The following VEGFC variants were observed in gnomAD, a reference collection of about 807,000 sequenced individuals.
The protein encoded by VEGFC is FLT4 ligand DHM.
A neutral mutation model predicts 46.1 loss-of-function variants in VEGFC; 12 were observed. The ratio of observed to expected loss-of-function variants is 0.26; its 90% CI spans 0.17 to 0.42. The LOEUF is 0.42. Among genes scored for constraint, VEGFC ranks in the 10% least tolerant of loss-of-function variants. The pLI is 1.00. For missense variants in VEGFC, 488 were observed against 529.4 expected (o/e 0.92, Z 0.77); for synonymous variants, 232 against 195.5 (o/e 1.19, Z -1.56).
chr4:176,683,818 G>C lies in VEGFC; in HGVS notation c.*108C>G. 1 of 858,704 alleles carries C rather than the reference G, an allele frequency of 1.2e-6. No individual in the cohort carries two copies. Among genetic ancestry groups the C allele is most frequent in the Non-Finnish European group, 1.9e-6 (1 of 530,842 alleles). 53.2% of individuals were successfully genotyped at this position (858,704 alleles called of 1,614,324 possible). On this transcript the variant is annotated 3_prime_UTR_variant, in exon 7 of 7. Transcript: ENST00000618562. ...CATGGTTCAGGAAAGACAGACTTTTGTCTTTGTTAGCATGGACCCACAAGG... is the reference window on the plus strand; with the variant it reads ...CATGGTTCAGGAAAGACAGACTTTTCTCTTTGTTAGCATGGACCCACAAGG...
chr4:176,725,340 T>C (rs111731015), intron 3 of VEGFC, among the ~76,000 whole-genome samples: 91 of 152,254 alleles, frequency 6.0e-4, no homozygotes, highest in African/African-American at 2.1e-3. Flanking sequence ...TCATGCTCTG[T>C]CACCTAGGCT....
chr4:176,733,437 A>G (rs1177594814), intron 1 of VEGFC, among the ~76,000 whole-genome samples: 2 of 151,978 alleles, frequency 1.3e-5, no homozygotes, highest in Non-Finnish European at 2.9e-5. Context: ...AAAGAAGACT[A>G]CTACTGATAT....
At chr4:176,698,737 G>A (rs955078649) in intron 4 of VEGFC, among the ~76,000 whole-genome samples, 1 of 151,958 alleles carries the variant, frequency 6.6e-6, no homozygotes, top group Non-Finnish European at 1.5e-5. Context: ...CAAGACCGTG[G>A]TGACCACTCT....
At chr4:176,684,916 A>T (rs532751842) in intron 6 of VEGFC, among the ~76,000 whole-genome samples, 3 of 152,242 alleles carry the variant, frequency 2.0e-5, no homozygotes, top group Non-Finnish European at 2.9e-5. Context: ...TCATAGAGCC[A>T]GGGTTTTGCC....
chr4:176,736,189 A>G (rs535328776), intron 1 of VEGFC, among the ~76,000 whole-genome samples: 1 of 152,044 alleles, frequency 6.6e-6, no homozygotes, highest in South Asian at 2.1e-4. Context: ...CTTTTGGACA[A>G]TGATAGCTTT....
intron 4 of VEGFC, among the ~76,000 whole-genome samples, chr4:176,699,312 G>C (rs745933904): frequency 6.6e-6 from 1 of 152,154 alleles, no homozygotes; most frequent in African/African-American, 2.4e-5. Context: ...TCAGAGCATC[G>C]TCATGTCACT....
chr4:176,746,824 G>T (rs1414432736), intron 1 of VEGFC, among the ~76,000 whole-genome samples: 1 of 151,970 alleles, frequency 6.6e-6, no homozygotes, highest in African/African-American at 2.4e-5. Context: ...TTTATCAAAG[G>T]TCGCCATCCA....
At chr4:176,719,630 T>C (rs1187077904) in intron 3 of VEGFC, among the ~76,000 whole-genome samples, 1 of 152,222 alleles carries the variant, frequency 6.6e-6, no homozygotes, top group East Asian at 1.9e-4. Flanking sequence ...TTGATTTCGC[T>C]TGCTAATTTG....
At chr4:176,689,315 T>A (rs1345110117) in intron 4 of VEGFC, 4 of 152,170 alleles carry the variant, frequency 2.6e-5, no homozygotes, top group Non-Finnish European at 5.9e-5. Context: ...TGACAATACA[T>A]CTTTCTTTTA....
At chr4:176,700,900 A>G (rs1484282151) in intron 4 of VEGFC, among the ~76,000 whole-genome samples, 2 of 152,238 alleles carry the variant, frequency 1.3e-5, no homozygotes, top group Non-Finnish European at 2.9e-5. Flanking sequence ...TTATGAGGGT[A>G]TAAGAGTTGA....
chr4:176,739,383 A>G (rs1344819738), intron 1 of VEGFC, among the ~76,000 whole-genome samples: 1 of 151,964 alleles, frequency 6.6e-6, no homozygotes, highest in Non-Finnish European at 1.5e-5. Flanking sequence ...AGAATGTGGT[A>G]CATATACACT....
Position 176,792,027 on chromosome 4 carries a change from G to A in VEGFC, c.147+138C>T, listed in dbSNP as rs910505402. 19 of 1,165,024 alleles carry A rather than the reference G, an allele frequency of 1.6e-5. No individual in the cohort carries two copies. The highest frequency in any genetic ancestry group is 2.0e-5 in the Non-Finnish European group (18 of 902,082). The allele number at this position is 1,165,024 out of a possible 1,614,324, so 72.2% of individuals were successfully genotyped here. A position where few individuals can be genotyped will look rare whatever the true frequency, so the allele number is the denominator to read the frequency against. Reference sequence around the variant, plus strand: ...GAAGAAGATTTTTCTCCAAAGCAGCGTGCACTGAGCTCAGTAACTTTGGAT... The same window carrying A: ...GAAGAAGATTTTTCTCCAAAGCAGCATGCACTGAGCTCAGTAACTTTGGAT... On this transcript the variant is annotated intron_variant, in intron 1 of 6. Coordinates refer to ENST00000618562, the MANE Select transcript of VEGFC (RefSeq NM_005429.5). The surrounding 1 kb of genome is among the most constrained non-coding windows in gnomAD (Gnocchi z 6.3).
intron 3 of VEGFC, among the ~76,000 whole-genome samples, chr4:176,716,437 TG>T (rs1445228406): frequency 1.3e-5 from 2 of 150,854 alleles, no homozygotes; most frequent in Non-Finnish European, 3.0e-5. Flanking sequence ...ATTAGCTGGG[TG>T]GCGTGGCGGA....
intron 1 of VEGFC, among the ~76,000 whole-genome samples, chr4:176,743,439 T>C (rs987659703): frequency 2.0e-5 from 3 of 151,838 alleles, no homozygotes; most frequent in Non-Finnish European, 1.5e-5. Flanking sequence ...AAAACTCTTG[T>C]CATGACAACT....
intron 1 of VEGFC, among the ~76,000 whole-genome samples, chr4:176,770,597 G>A (rs377027141): frequency 4.6e-5 from 7 of 151,954 alleles, no homozygotes; most frequent in African/African-American, 1.7e-4. Flanking sequence ...TCCAGATAGA[G>A]AATAAAAATA....
intron 6 of VEGFC, among the ~76,000 whole-genome samples, chr4:176,685,744 G>T (rs192197668): frequency 6.6e-6 from 1 of 152,030 alleles, no homozygotes; most frequent in Admixed American, 6.5e-5. Flanking sequence ...ATTACAGTAG[G>T]AATATATAGG....
chr4:176,704,809 T>C (rs1384733596), intron 4 of VEGFC, among the ~76,000 whole-genome samples: 1 of 152,212 alleles, frequency 6.6e-6, no homozygotes, highest in East Asian at 1.9e-4. Flanking sequence ...TGTGATTCTG[T>C]TGACCTCTCC....
chr4:176,780,206 C>A (rs965589537), intron 1 of VEGFC, among the ~76,000 whole-genome samples: 1 of 151,904 alleles, frequency 6.6e-6, no homozygotes, highest in African/African-American at 2.4e-5. Context: ...AGGGTGAAAC[C>A]CAGTCTCTAC....
At chr4:176,760,944 A>T (rs1224157401) in intron 1 of VEGFC, among the ~76,000 whole-genome samples, 1 of 152,198 alleles carries the variant, frequency 6.6e-6, no homozygotes, top group African/African-American at 2.4e-5. Context: ...AATCATACAT[A>T]GGTAGGAAAA....
Sources: gnomAD v4.1 joint callset for allele counts (sites outside exome capture counted in the v4.1 genomes callset) on GRCh38, gnomAD v4.1.1 for gene constraint, Gnocchi (gnomAD v3.1) non-coding constraint, MANE v1.5 for transcripts, NCBI Gene and HGNC (gene_info 2026-07-23, HGNC 2026-07-21) for gene names.